Variants in EFCAB3 observed in about 807,000 individuals in gnomAD.
The protein encoded by EFCAB3 is EF-hand calcium-binding domain-containing protein 3.
Under a neutral mutation model 42.2 loss-of-function variants are expected in EFCAB3, and 36 were observed. That is an observed-to-expected ratio of 0.85 (90% CI 0.65 to 1.13). EFCAB3 has a LOEUF of 1.13. Among genes scored for constraint, EFCAB3 ranks in the 50% most tolerant of loss-of-function variants. The pLI, the probability that EFCAB3 is intolerant of heterozygous loss-of-function variation, is 0.00. For synonymous variants in EFCAB3, 170 were observed against 172.8 expected (o/e 0.98, Z 0.13); for missense variants, 418 against 505.1 (o/e 0.83, Z 1.65).
At chr17:62,377,879 G>T, upstream of EFCAB3, 1 of 1,054,868 alleles carries the variant, frequency 9.5e-7, no homozygotes, top group Non-Finnish European at 1.4e-6. Flanking sequence ...CTCATCTGGG[G>T]AAAAAAATAA....
intron 2 of EFCAB3, among the ~76,000 whole-genome samples, chr17:62,384,332 T>C (rs1309306289): frequency 6.6e-6 from 1 of 152,214 alleles, no homozygotes; most frequent in East Asian, 1.9e-4. Context: ...TAAAGACAGA[T>C]AATAAGAACT....
intron 9 of EFCAB3, 33 bp downstream of exon 9, chr17:62,413,887 A>G: frequency 6.3e-7 from 1 of 1,594,914 alleles, no homozygotes; most frequent in Non-Finnish European, 8.5e-7. Flanking sequence ...CTTCCCAGAA[A>G]TCACTGACAA....
intron 6 of EFCAB3, chr17:62,398,025 C>CAAA (rs34957895): frequency 6.1e-3 from 568 of 93,250 alleles, no homozygotes; most frequent in Middle Eastern, 0.017. Context: ...GACTCCATCT[C>CAAA]AAAAAAAAAA....
chr17:62,393,191 T>A (rs192848798), intron 4 of EFCAB3, among the ~76,000 whole-genome samples: 16 of 152,284 alleles, frequency 1.1e-4, no homozygotes, highest in African/African-American at 3.9e-4. Flanking sequence ...CTCATCATCC[T>A]TCAATTTTAG....
Position 62,381,837 on chromosome 17 carries a change from C to A in EFCAB3, c.-17-1126C>A, listed in dbSNP as rs545916865. On this transcript the variant is annotated intron_variant, in intron 1 of 9. Transcript: ENST00000305286. ...AAAAAGCATTGAAGATGTCATTGCC[C>A]AGGGTATTGGCAAGGTTGCCAGTGT... The A allele has an allele frequency of 2.8e-3, 1,209 of 435,768 alleles. 18 individuals are homozygous for A. The highest frequency in any genetic ancestry group is 0.022 in the African/African-American group (1,101 of 49,274). The allele number at this position is 435,768 out of a possible 1,614,324, so 27.0% of individuals were successfully genotyped here.
At chr17:62,383,901 G>A (rs1226628982) in intron 2 of EFCAB3, among the ~76,000 whole-genome samples, 1 of 152,152 alleles carries the variant, frequency 6.6e-6, no homozygotes, top group African/African-American at 2.4e-5. Flanking sequence ...GGCTAAAATT[G>A]GGAAGGGAGA....
chr17:62,414,673 G>C (rs1024238595), intron 9 of EFCAB3, among the ~76,000 whole-genome samples: 1 of 152,056 alleles, frequency 6.6e-6, no homozygotes, highest in African/African-American at 2.4e-5. Context: ...TGTTATGAGA[G>C]TATATTGCAT....
intron 2 of EFCAB3, among the ~76,000 whole-genome samples, chr17:62,385,779 AC>A (rs1567721922): frequency 7.2e-6 from 1 of 139,108 alleles, no homozygotes; most frequent in African/African-American, 2.7e-5. Context: ...GAGTGCAGTG[AC>A]GTGATCTCTG....
intron 4 of EFCAB3, among the ~76,000 whole-genome samples, chr17:62,392,772 G>A (rs980405066): frequency 3.3e-5 from 5 of 151,962 alleles, no homozygotes; most frequent in Non-Finnish European, 4.4e-5. Context: ...TGAGTAGCTG[G>A]GACTACAGGC....
chr17:62,409,483 T>C (rs1157157421), intron 8 of EFCAB3, among the ~76,000 whole-genome samples: 1 of 152,114 alleles, frequency 6.6e-6, no homozygotes, highest in Non-Finnish European at 1.5e-5. Flanking sequence ...TATAATATGC[T>C]ATGATCATGC....
intron 2 of EFCAB3, among the ~76,000 whole-genome samples, chr17:62,374,812 G>A (rs1001768417): frequency 2.0e-5 from 3 of 152,184 alleles, no homozygotes; most frequent in African/African-American, 4.8e-5. Flanking sequence ...GCCTGACTGT[G>A]TTTCAAAAAG....
chr17:62,393,172 C>G (rs1459406847), intron 4 of EFCAB3, among the ~76,000 whole-genome samples: 1 of 152,150 alleles, frequency 6.6e-6, no homozygotes, highest in Admixed American at 6.6e-5. Flanking sequence ...ACATACCCCT[C>G]TAATAATACT....
intron 6 of EFCAB3, among the ~76,000 whole-genome samples, chr17:62,405,134 T>C (rs927059769): frequency 6.6e-6 from 1 of 152,238 alleles, no homozygotes; most frequent in African/African-American, 2.4e-5. Flanking sequence ...CCATAGAGTA[T>C]ATAGAGAATA....
intron 8 of EFCAB3, among the ~76,000 whole-genome samples, chr17:62,408,786 C>T (rs2070469604): frequency 6.6e-6 from 1 of 152,196 alleles, no homozygotes; most frequent in Non-Finnish European, 1.5e-5. Flanking sequence ...GCATTCCACT[C>T]CATCCTCAAG....
At chr17:62,398,498 CA>C (rs11333238) in intron 6 of EFCAB3, among the ~76,000 whole-genome samples, 22,964 of 125,968 alleles carry the variant, frequency 0.18, 4,106 homozygotes, top group African/African-American at 0.49. Flanking sequence ...TTTTTATATG[CA>C]AAAAAAAAAA....
chr17:62,382,541 T>A (rs180939174), intron 1 of EFCAB3, among the ~76,000 whole-genome samples: 48 of 152,324 alleles, frequency 3.2e-4, no homozygotes, highest in African/African-American at 1.1e-3. Flanking sequence ...TCTTCAGAAT[T>A]TATTCATCTT....
At chr17:62,397,762 T>C (rs923971166) in intron 6 of EFCAB3, 8 of 420,314 alleles carry the variant, frequency 1.9e-5, no homozygotes, top group Non-Finnish European at 3.2e-5. Context: ...CAGTGGCTCA[T>C]TGTTGTAATC....
chr17:62,389,943 C>A (rs998803011), intron 3 of EFCAB3, among the ~76,000 whole-genome samples: 30 of 152,082 alleles, frequency 2.0e-4, no homozygotes, highest in Non-Finnish European at 8.8e-5. Flanking sequence ...CCCGCCACCA[C>A]GCTCAGCTAA....
chr17:62,399,912 T>C (rs2070386232), intron 6 of EFCAB3, among the ~76,000 whole-genome samples: 1 of 152,224 alleles, frequency 6.6e-6, no homozygotes, highest in South Asian at 2.1e-4. Context: ...TTATTTTTTG[T>C]GTGTTTTATT....
Sources: gnomAD v4.1 joint callset for allele counts (sites outside exome capture counted in the v4.1 genomes callset) on GRCh38, gnomAD v4.1.1 for gene constraint, MANE v1.5 for transcripts, NCBI Gene and HGNC (gene_info 2026-07-23, HGNC 2026-07-21) for gene names.